The following NKAIN3 variants were observed in gnomAD, a reference collection of about 807,000 sequenced individuals.
NKAIN3 encodes the protein sodium/potassium transporting ATPase interacting 3, also known as sodium/potassium-transporting ATPase subunit beta-1-interacting protein 3.
A neutral mutation model predicts 30.2 loss-of-function variants in NKAIN3; 25 were observed. The ratio of observed to expected loss-of-function variants is 0.83; its 90% confidence interval spans 0.60 to 1.16. The LOEUF is 1.16. Among genes scored for constraint, NKAIN3 ranks in the 50% most tolerant of loss-of-function variants. The probability of loss-of-function intolerance (pLI) is 0.00; values close to 1 mark genes in which losing one functional copy is unlikely to be tolerated. For missense variants in NKAIN3, 225 were observed against 254.1 expected (o/e 0.89, Z 0.78); for synonymous variants, 91 against 89.6 (o/e 1.02, Z -0.09).
chr8:62,847,954 G>GT (rs1310945793), intron 4 of NKAIN3, among the ~76,000 whole-genome samples: 2 of 152,082 alleles, frequency 1.3e-5, no homozygotes, highest in African/African-American at 4.8e-5. Flanking sequence ...CCCATTGCTT[G>GT]TTTTTGTCAG....
rs1036616826 is a variant in NKAIN3, at chr8:62,311,235, A to T, written c.54+62108A>T. On this transcript the variant is annotated intron_variant, in intron 1 of 6. Coordinates refer to ENST00000623646, the MANE Select transcript of NKAIN3 (RefSeq NM_001304533.3). ...ATTTAATATAGATCTAATTAAATGT[A>T]TATATATTTTGGTAAGGAGATAGGC... Among the ~76,000 whole-genome samples, 7 of 150,544 alleles carry T rather than the reference A, an allele frequency of 4.6e-5. 1 individual carries two copies. Among genetic ancestry groups the T allele is most frequent in the African/African-American group, 1.0e-4 (4 of 39,916 alleles).
At chr8:62,704,554 A>G (rs931131) in intron 3 of NKAIN3, among the ~76,000 whole-genome samples, 136,323 of 152,152 alleles carry the variant, frequency 0.9, 61,305 homozygotes, top group African/African-American at 0.95. Context: ...AGTTGGGATA[A>G]GAATTGCTCA....
intron 5 of NKAIN3, among the ~76,000 whole-genome samples, chr8:62,935,863 G>A (rs1176609891): frequency 6.6e-6 from 1 of 152,056 alleles, no homozygotes; most frequent in Non-Finnish European, 1.5e-5. Context: ...AATATGTGAA[G>A]CTTATCATTA....
At chr8:62,537,969 G>A (rs1808717381) in intron 1 of NKAIN3, among the ~76,000 whole-genome samples, 1 of 152,078 alleles carries the variant, frequency 6.6e-6, no homozygotes, top group Admixed American at 6.6e-5. Context: ...TGTGTGCCTG[G>A]CCTCACAGTG....
chr8:62,969,697 A>G lies in NKAIN3; in HGVS notation c.*4290A>G, dbSNP rs1405549734. Among the ~76,000 whole-genome samples the G allele has an allele frequency of 2.6e-5, 4 of 152,198 alleles. No homozygotes were observed. The highest frequency in any genetic ancestry group is 7.2e-5 in the African/African-American group (3 of 41,446). The stretch of plus-strand genomic sequence containing the variant: ...TATAAATAATTGCTCTTTTAAAACT[A>G]TAACAACTTGAATGCCTGCGGTTTT... On this transcript the variant is annotated 3_prime_UTR_variant, in exon 7 of 7. Coordinates refer to ENST00000623646, the MANE Select transcript of NKAIN3 (RefSeq NM_001304533.3).
At chr8:62,707,797 G>C (rs376407418) in intron 3 of NKAIN3, among the ~76,000 whole-genome samples, 12 of 152,070 alleles carry the variant, frequency 7.9e-5, no homozygotes, top group South Asian at 4.2e-4. Flanking sequence ...TGAAATCCTC[G>C]CCAAAGCCAA....
downstream of NKAIN3, among the ~76,000 whole-genome samples, chr8:62,988,930 C>G (rs1013454263): frequency 2.0e-5 from 3 of 152,164 alleles, no homozygotes; most frequent in African/African-American, 7.2e-5. Flanking sequence ...ATTTCTTCCC[C>G]CAGATATGCT....
intron 4 of NKAIN3, among the ~76,000 whole-genome samples, chr8:62,770,901 G>C (rs1816987164): frequency 6.6e-6 from 1 of 152,014 alleles, no homozygotes; most frequent in African/African-American, 2.4e-5. Flanking sequence ...CTGGTGGGCG[G>C]GGGGTGGAGG....
intron 1 of NKAIN3, among the ~76,000 whole-genome samples, chr8:62,460,303 T>C (rs1011945981): frequency 4.0e-5 from 6 of 151,604 alleles, no homozygotes; most frequent in African/African-American, 1.5e-4. Flanking sequence ...TCCCAGCTAC[T>C]TGGGAGGCTG....
At chr8:62,787,412 C>A (rs1009052674) in intron 4 of NKAIN3, among the ~76,000 whole-genome samples, 1 of 152,014 alleles carries the variant, frequency 6.6e-6, no homozygotes, top group Non-Finnish European at 1.5e-5. Flanking sequence ...AGAAAAAGAA[C>A]AAAACCTCCT....
At chr8:62,372,723 C>T (rs1352960818) in intron 1 of NKAIN3, among the ~76,000 whole-genome samples, 2 of 151,858 alleles carry the variant, frequency 1.3e-5, no homozygotes, top group Non-Finnish European at 2.9e-5. Flanking sequence ...ATGAAGACAG[C>T]AAGCAATTAG....
intron 3 of NKAIN3, among the ~76,000 whole-genome samples, chr8:62,652,839 T>A (rs529785423): frequency 6.6e-6 from 1 of 152,284 alleles, no homozygotes; most frequent in South Asian, 2.1e-4. Flanking sequence ...CACGGACAAG[T>A]TATGAACTTG....
In NKAIN3 at chr8:62,284,548, C is replaced by A. The variant is rs941180890; in HGVS notation, c.54+35421C>A. 2.8e-4 allele frequency among the ~76,000 whole-genome samples: 43 copies of A among 151,948 alleles called. 1 individual carries two copies. Among genetic ancestry groups the A allele is most frequent in the Middle Eastern group, 6.3e-3 (2 of 316 alleles). ...GGCTGAGGCAGGAGAATTGCTTGAACCTTGGAGGTAGGTGGAGGTTGCACT... is the reference window on the plus strand; with the variant it reads ...GGCTGAGGCAGGAGAATTGCTTGAAACTTGGAGGTAGGTGGAGGTTGCACT... On this transcript the variant is annotated intron_variant, in intron 1 of 6. Coordinates refer to ENST00000623646, the MANE Select transcript of NKAIN3 (RefSeq NM_001304533.3).
In NKAIN3 at chr8:62,980,462, T is replaced by A. The variant is rs1177955529; in HGVS notation, c.*15055T>A. The A allele has an allele frequency of 6.6e-6, 1 of 152,254 alleles. No individual in the cohort carries two copies. The highest frequency in any genetic ancestry group is 1.5e-5 in the Non-Finnish European group (1 of 68,040). The allele number at this position is 152,254 out of a possible 1,614,324, so 9.4% of individuals were successfully genotyped here. On this transcript the variant is annotated 3_prime_UTR_variant, in exon 7 of 7. Coordinates refer to ENST00000623646, the MANE Select transcript of NKAIN3 (RefSeq NM_001304533.3). ...TGCAATTATTTCTACTGTATTCAGA[T>A]AATGATAATACAAATAAGAGTACGA...
At chr8:62,586,407 G>A (rs932796625) in intron 2 of NKAIN3, among the ~76,000 whole-genome samples, 26 of 152,006 alleles carry the variant, frequency 1.7e-4, no homozygotes, top group Non-Finnish European at 2.9e-4. Flanking sequence ...ATTATATAAC[G>A]TATATGACTT....
chr8:62,691,639 C>T (rs1420800200), intron 3 of NKAIN3, among the ~76,000 whole-genome samples: 1 of 152,068 alleles, frequency 6.6e-6, no homozygotes, highest in Non-Finnish European at 1.5e-5. Flanking sequence ...CTATTAAGTC[C>T]TGCATGTTCT....
At chr8:62,699,916 T>A (rs1386155966) in intron 3 of NKAIN3, among the ~76,000 whole-genome samples, 1 of 152,176 alleles carries the variant, frequency 6.6e-6, no homozygotes, top group Non-Finnish European at 1.5e-5. Context: ...GGAGGATCAC[T>A]TGAGTTCAAG....
chr8:62,337,574 C>CATAT (rs148709136), intron 1 of NKAIN3, among the ~76,000 whole-genome samples: 8,101 of 149,764 alleles, frequency 0.054, 756 homozygotes, highest in African/African-American at 0.19. Flanking sequence ...AAGTATAGTA[C>CATAT]ATATATATAT....
chr8:62,474,327 G>C (rs544682508), intron 1 of NKAIN3: 1 of 152,326 alleles, frequency 6.6e-6, no homozygotes, highest in Admixed American at 6.5e-5. Context: ...CTAAGACAGG[G>C]AGCACAGGGA....
Sources: allele counts gnomAD v4.1 joint callset (sites outside exome capture counted in the v4.1 genomes callset), GRCh38; gene constraint gnomAD v4.1.1; transcripts MANE v1.5; gene names NCBI Gene and HGNC (gene_info 2026-07-23, HGNC 2026-07-21).